The following TRAPPC9 variants were observed in gnomAD, a reference collection of about 807,000 sequenced individuals.
The protein encoded by TRAPPC9 is trafficking protein particle complex subunit 9.
Under a neutral mutation model 124.0 loss-of-function variants are expected in TRAPPC9, and 83 were observed. The ratio of observed to expected loss-of-function variants is 0.67; its 90% CI spans 0.56 to 0.80. The LOEUF is 0.80. TRAPPC9 is among the 30% of genes least tolerant of loss of function. The pLI is 0.00. For missense variants in TRAPPC9, 1,302 were observed against 1,508.3 expected (o/e 0.86, Z 2.27); for synonymous variants, 638 against 617.5 (o/e 1.03, Z -0.49).
chr8:140,046,932 G>A (rs1841634986), intron 17 of TRAPPC9, among the ~76,000 whole-genome samples: 1 of 152,196 alleles, frequency 6.6e-6, no homozygotes, highest in Non-Finnish European at 1.5e-5. Context: ...TCCTTATTCT[G>A]TAGGCCTGTT....
chr8:140,386,040 C>A (rs543902125), intron 7 of TRAPPC9, among the ~76,000 whole-genome samples: 18 of 152,266 alleles, frequency 1.2e-4, no homozygotes, highest in African/African-American at 3.6e-4. Flanking sequence ...TGTAATCCAG[C>A]ATATAAACAG....
At chr8:140,419,428 C>CAAAAAAAAAAAAAAAA (rs61155157) in intron 5 of TRAPPC9, among the ~76,000 whole-genome samples, 1 of 79,582 alleles carries the variant, frequency 1.3e-5, no homozygotes, top group Non-Finnish European at 2.4e-5. Context: ...GACTCCGTCT[C>CAAAAAAAAAAAAAAAA]AAAAAAAAAA....
At chr8:140,266,165 G>A (rs1394512527) in intron 15 of TRAPPC9, among the ~76,000 whole-genome samples, 5 of 152,084 alleles carry the variant, frequency 3.3e-5, no homozygotes, top group Non-Finnish European at 2.9e-5. Flanking sequence ...ATAAAAACTT[G>A]CTTACAAGTG....
intron 9 of TRAPPC9, among the ~76,000 whole-genome samples, chr8:140,355,646 G>T (rs1172777114): frequency 6.6e-6 from 1 of 152,204 alleles, no homozygotes; most frequent in Non-Finnish European, 1.5e-5. Flanking sequence ...GCACTGGGGG[G>T]GAATTAACTA....
At chr8:140,419,157 G>A (rs1356285221) in intron 5 of TRAPPC9, among the ~76,000 whole-genome samples, 2 of 152,126 alleles carry the variant, frequency 1.3e-5, no homozygotes, top group Non-Finnish European at 2.9e-5. Context: ...GGCCGGGCGC[G>A]GTGACTCGCG....
rs141935713 is a variant in TRAPPC9 at position 140,078,833 on chromosome 8, C to G, written c.2557-54754G>C. ...TCACCACCAGTCAACAGGGGGCCTA[C>G]CCAGCAATGGCTCAAGGCTTTTCAA... On this transcript the variant is annotated intron_variant, in intron 17 of 22. Transcript: ENST00000438773. Among the ~76,000 whole-genome samples the G allele has an allele frequency of 2.1e-3, 313 of 152,228 alleles. 1 individual carries two copies. The highest frequency in any genetic ancestry group is 7.1e-3 in the African/African-American group (293 of 41,546).
intron 18 of TRAPPC9, among the ~76,000 whole-genome samples, chr8:140,017,261 G>A (rs1839533412): frequency 6.6e-6 from 1 of 152,126 alleles, no homozygotes; most frequent in African/African-American, 2.4e-5. Flanking sequence ...TTAGTTTTAT[G>A]GTTAGCAGTT....
chr8:140,238,001 A>C (rs902737793), intron 16 of TRAPPC9, among the ~76,000 whole-genome samples: 4 of 152,242 alleles, frequency 2.6e-5, no homozygotes, highest in Non-Finnish European at 4.4e-5. Context: ...AGCTAACAGT[A>C]AACCAACTGG....
chr8:139,928,930 C>T (rs980283407), intron 19 of TRAPPC9, among the ~76,000 whole-genome samples: 3 of 151,888 alleles, frequency 2.0e-5, no homozygotes, highest in Admixed American at 6.6e-5. Context: ...TGATTCTCCT[C>T]GGTCCCTAAG....
Position 140,287,612 on chromosome 8 carries a change from C to T in TRAPPC9, c.1977G>A (p.Val659=), listed in dbSNP as rs778690122. 1.2e-6 allele frequency: 2 copies of T among 1,614,176 alleles called. No individual in the cohort carries two copies. The highest frequency in any genetic ancestry group is 1.7e-6 in the Non-Finnish European group (2 of 1,180,020). The part of the protein sequence containing the change: ...GVPQTTGTIT[V]NGYHTTVFGV... ...GCATGAAGGGACTCTCCTTACCGTT[C>T]ACAGTAATCGTTCCAGTCGTCTGCG... The change falls in exon 13 of 23, where the codon GTG becomes GTA. Residue 659 remains valine (V), a synonymous_variant. Transcript: ENST00000438773.
intron 10 of TRAPPC9, among the ~76,000 whole-genome samples, chr8:140,305,905 C>G (rs527931811): frequency 1.8e-4 from 27 of 152,214 alleles, no homozygotes; most frequent in Non-Finnish European, 3.4e-4. Flanking sequence ...AGTCACACAG[C>G]TAACTGCAGA....
intron 17 of TRAPPC9, among the ~76,000 whole-genome samples, chr8:140,174,886 T>A (rs2062032272): frequency 6.6e-6 from 1 of 152,202 alleles, no homozygotes; most frequent in Non-Finnish European, 1.5e-5. Context: ...TGTGTTCAAG[T>A]TTTTGCAAAC....
intron 17 of TRAPPC9, among the ~76,000 whole-genome samples, chr8:140,051,860 C>G (rs528070983): frequency 6.6e-6 from 1 of 152,254 alleles, no homozygotes; most frequent in Admixed American, 6.5e-5. Flanking sequence ...GTAGTTTTCA[C>G]TCTCCTGTAA....
chr8:139,964,395 T>A (rs1381077256), intron 19 of TRAPPC9, among the ~76,000 whole-genome samples: 2 of 151,990 alleles, frequency 1.3e-5, no homozygotes, highest in Non-Finnish European at 2.9e-5. Context: ...TGGAATGCAC[T>A]CTCTCACAGA....
intron 21 of TRAPPC9, among the ~76,000 whole-genome samples, chr8:139,846,175 C>G (rs546093264): frequency 6.6e-6 from 1 of 152,362 alleles, no homozygotes; most frequent in Admixed American, 6.5e-5. Context: ...GGCTTGGTGC[C>G]GGAAGCGGTA....
intron 4 of TRAPPC9, among the ~76,000 whole-genome samples, chr8:140,429,475 A>C (rs2070554256): frequency 6.6e-6 from 1 of 152,182 alleles, no homozygotes; most frequent in Non-Finnish European, 1.5e-5. Flanking sequence ...CTCAGTTTCC[A>C]CATCTGTAAA....
intron 18 of TRAPPC9, among the ~76,000 whole-genome samples, chr8:140,013,054 G>T (rs1015027980): frequency 1.3e-5 from 2 of 152,154 alleles, no homozygotes; most frequent in South Asian, 4.1e-4. Context: ...AGGGCTGAGC[G>T]GGCCACACAG....
intron 16 of TRAPPC9, among the ~76,000 whole-genome samples, chr8:140,249,176 C>T (rs1380879151): frequency 6.6e-6 from 1 of 152,062 alleles, no homozygotes; most frequent in Non-Finnish European, 1.5e-5. Flanking sequence ...CTCCCTGACC[C>T]CTCACTCCCT....
intron 21 of TRAPPC9, among the ~76,000 whole-genome samples, chr8:139,773,229 T>C: frequency 6.6e-6 from 1 of 152,250 alleles, no homozygotes; most frequent in South Asian, 2.1e-4. Flanking sequence ...TCTCTGCCTC[T>C]GTCCCTCCTC....
Sources: gnomAD v4.1 joint callset for allele counts (sites outside exome capture counted in the v4.1 genomes callset) on GRCh38, gnomAD v4.1.1 for gene constraint, MANE v1.5 for transcripts, NCBI Gene and HGNC (gene_info 2026-07-23, HGNC 2026-07-21) for gene names.